ANXA2: variants seen among roughly 807,000 people sequenced by gnomAD.
ANXA2 encodes the protein annexin A2, also known as annexin II.
A neutral mutation model predicts 47.3 loss-of-function variants in ANXA2; 28 were observed. That is an observed-to-expected ratio of 0.59 (90% CI 0.44 to 0.81). The LOEUF is 0.81. Ranked by LOEUF, ANXA2 falls within the 40% of genes least tolerant of loss-of-function variation. The pLI is 0.00. For missense variants in ANXA2, 384 were observed against 414.3 expected (o/e 0.93, Z 0.64); for synonymous variants, 172 against 155.5 (o/e 1.11, Z -0.79).
At chr15:60,369,471 C>G (rs1368626095) in intron 3 of ANXA2, among the ~76,000 whole-genome samples, 1 of 152,180 alleles carries the variant, frequency 6.6e-6, no homozygotes. Flanking sequence ...CTAATACTTC[C>G]AGAAGTCAAC....
intron 6 of ANXA2, among the ~76,000 whole-genome samples, chr15:60,356,374 T>C (rs1000545929): frequency 3.9e-5 from 6 of 152,124 alleles, no homozygotes; most frequent in African/African-American, 1.4e-4. Flanking sequence ...CAATTGTGCT[T>C]TACTGTCCAC....
At chr15:60,382,502 A>G in intron 2 of ANXA2, 61 bp from the exon 3 acceptor site, 1 of 1,180,038 alleles carries the variant, frequency 8.5e-7, no homozygotes, top group Non-Finnish European at 1.2e-6. Flanking sequence ...TGTTGAAATA[A>G]CAATGCCTAA....
At chr15:60,370,932 A>G (rs1171506912) in intron 3 of ANXA2, among the ~76,000 whole-genome samples, 2 of 152,206 alleles carry the variant, frequency 1.3e-5, no homozygotes, top group Non-Finnish European at 2.9e-5. Context: ...TCACAAAGTC[A>G]TCTAAGCAAA....
At chr15:60,375,347 A>G (rs1469801664) in intron 3 of ANXA2, among the ~76,000 whole-genome samples, 1 of 152,132 alleles carries the variant, frequency 6.6e-6, no homozygotes, top group East Asian at 1.9e-4. Context: ...CCAGAGAGAG[A>G]CCAAAGCTGT....
At chr15:60,356,116 A>G in intron 6 of ANXA2, 118 bp from the exon 7 acceptor site, 1 of 730,194 alleles carries the variant, frequency 1.4e-6, no homozygotes, top group East Asian at 2.6e-5. Flanking sequence ...AGCTGGACAT[A>G]TCCATTCTCC....
At chr15:60,383,570 C>T (rs765875026) in intron 2 of ANXA2, 9 of 152,224 alleles carry the variant, frequency 5.9e-5, no homozygotes, top group South Asian at 2.1e-4. Context: ...TTGAAATGCT[C>T]TTATAGTTTT....
chr15:60,356,427 T>G (rs562523147), intron 6 of ANXA2, among the ~76,000 whole-genome samples: 1 of 152,110 alleles, frequency 6.6e-6, no homozygotes, highest in Non-Finnish European at 1.5e-5. Flanking sequence ...AATTAAACAA[T>G]GCTTTTGAAT....
chr15:60,358,133 T>C (rs1189580520), intron 5 of ANXA2, among the ~76,000 whole-genome samples: 1 of 152,236 alleles, frequency 6.6e-6, no homozygotes, highest in Non-Finnish European at 1.5e-5. Flanking sequence ...ATTCTTGTCC[T>C]TCCATTTTTG....
chr15:60,374,767 C>G (rs999395018), intron 3 of ANXA2: 6 of 451,564 alleles, frequency 1.3e-5, no homozygotes, highest in African/African-American at 4.0e-5. Flanking sequence ...GCACTGGCCT[C>G]TTTGTTCCCA....
At chr15:60,381,300 G>C (rs1035814129) in intron 3 of ANXA2, among the ~76,000 whole-genome samples, 7 of 152,182 alleles carry the variant, frequency 4.6e-5, no homozygotes, top group African/African-American at 1.4e-4. Context: ...CGAACCAGCA[G>C]CAGCTCTAAT....
chr15:60,380,578 C>T (rs1377358748), intron 3 of ANXA2, among the ~76,000 whole-genome samples: 18 of 150,584 alleles, frequency 1.2e-4, no homozygotes, highest in Non-Finnish European at 1.9e-4. Flanking sequence ...CCAAGGCGGG[C>T]GGATCACCAG....
chr15:60,365,203 A>T (rs1439857117), intron 3 of ANXA2, among the ~76,000 whole-genome samples: 2 of 151,852 alleles, frequency 1.3e-5, no homozygotes, highest in African/African-American at 4.8e-5. Flanking sequence ...TAAGTGTTTT[A>T]ATCTAAATTA....
At chr15:60,371,920 G>C (rs373950015) in intron 3 of ANXA2, among the ~76,000 whole-genome samples, 3 of 152,316 alleles carry the variant, frequency 2.0e-5, no homozygotes, top group African/African-American at 7.2e-5. Flanking sequence ...GGGAGGCCAA[G>C]GTGGGCGGAC....
chr15:60,372,692 CTTTT>C (rs574095449), intron 3 of ANXA2, among the ~76,000 whole-genome samples: 3 of 132,734 alleles, frequency 2.3e-5, no homozygotes, highest in Non-Finnish European at 4.9e-5. Context: ...ACAATCTTTC[CTTTT>C]TTTTTTTTTT....
chr15:60,364,153 C>T (rs1037029637), intron 4 of ANXA2, among the ~76,000 whole-genome samples: 10 of 152,196 alleles, frequency 6.6e-5, no homozygotes, highest in Admixed American at 1.3e-4. Flanking sequence ...CTCACAGAAG[C>T]GCGAACCCTA....
rs1420310365 is a variant in ANXA2, at chr15:60,355,969, T to C, written c.478A>G (p.Ile160Val). The change falls in exon 7 of 13, where the codon ATT (isoleucine) becomes GTT (valine). Residue 160 changes from isoleucine to valine, a missense_variant. Transcript: ENST00000451270. The part of the protein sequence containing the change: ...MYKTDLEKDI[I>V]SDTSGDFRKL... ...CGGAAGTCACCAGATGTGTCCGAAA[T>C]AATGTCCTTCTCCAGATCAGTCTTG... is the stretch of plus-strand genomic sequence containing the variant. 2 of 1,614,108 alleles carry C rather than the reference T, an allele frequency of 1.2e-6. No homozygotes were observed. Among genetic ancestry groups the C allele is most frequent in the Non-Finnish European group, 1.7e-6 (2 of 1,179,962 alleles).
At chr15:60,365,912 G>T (rs112837897) in intron 3 of ANXA2, among the ~76,000 whole-genome samples, 3 of 128,016 alleles carry the variant, frequency 2.3e-5, no homozygotes, top group Non-Finnish European at 3.3e-5. Context: ...AAAGCTGGAC[G>T]GTACTGCTGC....
intron 10 of ANXA2, 194 bp from the exon 11 acceptor site, chr15:60,351,445 G>T (rs1896009023): frequency 1.6e-6 from 1 of 640,874 alleles, no homozygotes; most frequent in African/African-American, 1.8e-5. Context: ...TTTAAACCAG[G>T]GGTCTCTGAG....
chr15:60,391,458 C>T (rs2063009374), intron 1 of ANXA2, among the ~76,000 whole-genome samples: 1 of 152,144 alleles, frequency 6.6e-6, no homozygotes, highest in Admixed American at 6.5e-5. Flanking sequence ...AGACTACAGG[C>T]TGGAAAATGA....
Sources: allele counts gnomAD v4.1 joint callset (sites outside exome capture counted in the v4.1 genomes callset), GRCh38; gene constraint gnomAD v4.1.1; transcripts MANE v1.5; gene names NCBI Gene and HGNC (gene_info 2026-07-23, HGNC 2026-07-21).